SPINK13: variants seen among roughly 807,000 people sequenced by gnomAD.
The protein encoded by SPINK13 is serine peptidase inhibitor Kazal type 13, also known as serine protease inhibitor Kazal-type 13.
SPINK13 carries 11 observed loss-of-function variants against 11.0 expected under a neutral mutation model. The observed-to-expected ratio is 1.00, with a 90% CI of 0.63 to 1.65. The LOEUF is 1.65. Ranked by LOEUF, SPINK13 falls within the 40% of genes most tolerant of loss-of-function variation. The probability of loss-of-function intolerance (pLI) is 0.00; values close to 1 mark genes in which losing one functional copy is unlikely to be tolerated. For missense variants in SPINK13, 113 were observed against 117.7 expected, an observed-to-expected ratio of 0.96 and a Z score of 0.19; for synonymous variants, 31 against 35.6, an observed-to-expected ratio of 0.87 and a Z score of 0.46.
chr5:148,281,123 C>T (rs1029272415), intron 3 of SPINK13, among the ~76,000 whole-genome samples: 10 of 152,108 alleles, frequency 6.6e-5, no homozygotes, highest in South Asian at 6.2e-4. Context: ...TAATGGCGGA[C>T]GCCCCTCCCC....
chr5:148,274,766 A>G (rs1284499452), intron 3 of SPINK13, among the ~76,000 whole-genome samples: 1 of 152,112 alleles, frequency 6.6e-6, no homozygotes, highest in African/African-American at 2.4e-5. Flanking sequence ...ATAAATCTTC[A>G]TGGAGGTAAA....
chr5:148,272,649 G>A (rs1426065518), intron 2 of SPINK13, among the ~76,000 whole-genome samples: 1 of 152,032 alleles, frequency 6.6e-6, no homozygotes, highest in Admixed American at 6.5e-5. Context: ...CCTTTAGGAT[G>A]TCAATACTTC....
chr5:148,280,781 C>T (rs1306191850), intron 3 of SPINK13, among the ~76,000 whole-genome samples: 1 of 152,222 alleles, frequency 6.6e-6, no homozygotes, highest in Non-Finnish European at 1.5e-5. Flanking sequence ...CTTGAGGAGG[C>T]AGTCTATCCC....
intron 3 of SPINK13, among the ~76,000 whole-genome samples, chr5:148,275,710 G>A (rs917943232): frequency 6.6e-6 from 1 of 151,338 alleles, no homozygotes; most frequent in African/African-American, 2.4e-5. Flanking sequence ...ACCCAGGCTG[G>A]AGTGCAATGG....
At chr5:148,273,146 C>T (rs569044658) in intron 2 of SPINK13, among the ~76,000 whole-genome samples, 1 of 152,142 alleles carries the variant, frequency 6.6e-6, no homozygotes, top group African/African-American at 2.4e-5. Context: ...ATTATATTTG[C>T]ATGCATATTG....
intron 4 of SPINK13, among the ~76,000 whole-genome samples, chr5:148,284,301 T>TCCTTCCTTCCTTCCTTCCTC (rs1431618783): frequency 6.6e-6 from 1 of 150,888 alleles, no homozygotes; most frequent in Admixed American, 6.6e-5. Flanking sequence ...AGTAATTCCT[T>TCCTTCCTTCCTTCCTTCCTC]CCTTCCTTCC....
chr5:148,280,606 G>C (rs961090871), intron 3 of SPINK13, among the ~76,000 whole-genome samples: 6 of 152,212 alleles, frequency 3.9e-5, no homozygotes, highest in African/African-American at 7.2e-5. Flanking sequence ...GTTATCACCA[G>C]TAGAGGCTGC....
intron 4 of SPINK13, among the ~76,000 whole-genome samples, chr5:148,284,262 C>T (rs1297325434): frequency 6.8e-6 from 1 of 148,118 alleles, no homozygotes; most frequent in Non-Finnish European, 1.5e-5. Flanking sequence ...CTAGGTCATC[C>T]TCCAGAAGCT....
chr5:148,281,948 A>G (rs1581168477), intron 3 of SPINK13, among the ~76,000 whole-genome samples, 156 bp from the exon 4 acceptor site: 1 of 152,204 alleles, frequency 6.6e-6, no homozygotes, highest in Non-Finnish European at 1.5e-5. Flanking sequence ...AGAAAAAGAA[A>G]CTGGCCTGAC....
At chr5:148,273,704 C>T (rs78278212) in intron 2 of SPINK13, among the ~76,000 whole-genome samples, 7,021 of 152,206 alleles carry the variant, frequency 0.046, 418 homozygotes, top group African/African-American at 0.13. Flanking sequence ...TCTGAAAATT[C>T]TAACTTTTGG....
At chr5:148,275,497 C>T (rs890085485) in intron 3 of SPINK13, among the ~76,000 whole-genome samples, 4 of 152,028 alleles carry the variant, frequency 2.6e-5, no homozygotes, top group African/African-American at 9.7e-5. Context: ...TGGGTATATA[C>T]CCAGTAAAGA....
At chr5:148,281,117 G>A (rs897076113) in intron 3 of SPINK13, among the ~76,000 whole-genome samples, 4 of 152,152 alleles carry the variant, frequency 2.6e-5, no homozygotes, top group Non-Finnish European at 5.9e-5. Context: ...CCTCAGTAAT[G>A]GCGGACGCCC....
rs139174322 is a variant in SPINK13 at position 148,275,141 on chromosome 5, G to A, written c.108+757G>A. Among the ~76,000 whole-genome samples the A allele has an allele frequency of 6.9e-3, 1,053 of 151,988 alleles. 14 individuals carry two copies. Among genetic ancestry groups the A allele is most frequent in the African/African-American group, 0.02 (813 of 41,470 alleles). ...TAATGCTATTCCTCCCCTTGTCCCC[G>A]CTCCCCCAACAGGCTCCAGTGTGTA... On this transcript the variant is annotated intron_variant, in intron 3 of 4. Transcript: ENST00000398450.
chr5:148,285,851 CA>C (rs1756581584), intron 4 of SPINK13, 148 bp from the exon 5 acceptor site: 1 of 446,676 alleles, frequency 2.2e-6, no homozygotes, highest in Non-Finnish European at 4.0e-6. Context: ...TGGTAACAAA[CA>C]AAAATGAAAA....
chr5:148,269,049 CCTT>C (rs1756307954), intron 1 of SPINK13, 161 bp downstream of exon 1: 1 of 152,150 alleles, frequency 6.6e-6, no homozygotes. Context: ...TTATGGTTCT[CCTT>C]CATTTCTCTT....
intron 4 of SPINK13, among the ~76,000 whole-genome samples, chr5:148,284,910 G>C (rs1429346560): frequency 2.0e-5 from 3 of 152,136 alleles, no homozygotes; most frequent in Non-Finnish European, 4.4e-5. Flanking sequence ...AACATTACAT[G>C]AAACAGTCCA....
In SPINK13 at chr5:148,278,265, C is replaced by T. The variant is rs141842763; in HGVS notation, c.109-3839C>T. ...TTTGAAGGGGTTTTTGAGTCTCTAT[C>T]GCCTTCAGTTCTGCTCTGATCTTAG... is the stretch of plus-strand genomic sequence containing the variant. On this transcript the variant is annotated intron_variant, in intron 3 of 4. Coordinates refer to ENST00000398450, the MANE Select transcript of SPINK13 (RefSeq NM_001040129.3). Among the ~76,000 whole-genome samples, 637 of 152,204 alleles carry T rather than the reference C, an allele frequency of 4.2e-3. 3 individuals carry two copies. The highest frequency in any genetic ancestry group is 0.013 in the African/African-American group (526 of 41,520).
At chr5:148,271,326 C>A (rs916689964) in intron 2 of SPINK13, among the ~76,000 whole-genome samples, 1 of 152,112 alleles carries the variant, frequency 6.6e-6, no homozygotes, top group African/African-American at 2.4e-5. Flanking sequence ...TGGGTTCAAT[C>A]AAAAAGCACC....
chr5:148,281,321 C>A (rs1756511445), intron 3 of SPINK13, among the ~76,000 whole-genome samples: 1 of 151,972 alleles, frequency 6.6e-6, no homozygotes, highest in Non-Finnish European at 1.5e-5. Context: ...TTCCAAGCAC[C>A]CCTGGGGTAT....
Sources: gnomAD v4.1 joint callset for allele counts (sites outside exome capture counted in the v4.1 genomes callset) on GRCh38, gnomAD v4.1.1 for gene constraint, MANE v1.5 for transcripts, NCBI Gene and HGNC (gene_info 2026-07-23, HGNC 2026-07-21) for gene names.